The following ANK1 variants were observed in gnomAD, a reference collection of about 807,000 sequenced individuals.
ANK1 encodes the protein ankyrin 1.
A neutral mutation model predicts 210.4 loss-of-function variants in ANK1; 51 were observed. The ratio of observed to expected loss-of-function variants is 0.24; its 90% confidence interval spans 0.19 to 0.31. ANK1 has a LOEUF of 0.31. ANK1 is among the 10% of genes least tolerant of loss of function. The pLI is 1.00. For missense variants in ANK1, 2,051 were observed against 2,504.4 expected, an observed-to-expected ratio of 0.82 and a Z score of 3.86; for synonymous variants, 967 against 1,025.9, an observed-to-expected ratio of 0.94 and a Z score of 1.10.
At chr8:41,729,886 C>T (rs1166210107) in intron 3 of ANK1, among the ~76,000 whole-genome samples, 2 of 152,124 alleles carry the variant, frequency 1.3e-5, no homozygotes, top group Non-Finnish European at 2.9e-5. Flanking sequence ...AGTTGAGGGG[C>T]AGGGGCGGGC....
At position 41,803,005 on chromosome 8, in the gene ANK1, GAA is replaced by G. The variant is rs1563809988; in HGVS notation, c.127-44870_127-44869del. Among the ~76,000 whole-genome samples, 642 of 77,360 alleles carry G rather than the reference GAA, an allele frequency of 8.3e-3. 9 individuals are homozygous for G. The highest frequency in any genetic ancestry group is 0.014 in the Non-Finnish European group (550 of 40,276). 50.8% of individuals were successfully genotyped at this position (77,360 alleles called of 152,430 possible). A position where few individuals can be genotyped will look rare whatever the true frequency, so the allele number is the denominator to read the frequency against. Reference sequence around the variant, plus strand: ...AGAAAGAGAGAAAGAGAGAAAGAAAGAAAGAAAGAAAGAAAGAAAGAAAGAAA... The same window carrying G: ...AGAAAGAGAGAAAGAGAGAAAGAAAGAGAAAGAAAGAAAGAAAGAAAGAAA... On this transcript the variant is annotated intron_variant, in intron 1 of 42. Coordinates refer to the ANK1 transcript ENST00000265709.
At chr8:41,675,372 C>G (rs893926427) in intron 37 of ANK1, among the ~76,000 whole-genome samples, 1 of 152,236 alleles carries the variant, frequency 6.6e-6, no homozygotes, top group Non-Finnish European at 1.5e-5. Context: ...GCTGGGATTA[C>G]AGGGTTGAGT....
intron 37 of ANK1, 96 bp from the exon 38 acceptor site, chr8:41,673,008 G>A (rs1437106572): frequency 3.1e-5 from 41 of 1,305,404 alleles, no homozygotes; most frequent in Admixed American, 2.6e-4. Context: ...ACACACATGC[G>A]GGTGCGGCCA....
intron 1 of ANK1, among the ~76,000 whole-genome samples, chr8:41,803,049 A>AAG (rs1435871938): frequency 1.7e-4 from 14 of 82,826 alleles, no homozygotes; most frequent in African/African-American, 5.0e-4. Context: ...AAGAGAAAGA[A>AAG]AGAAAGAGAG....
At chr8:41,852,011 T>G (rs1005701300) in intron 1 of ANK1, among the ~76,000 whole-genome samples, 2 of 152,150 alleles carry the variant, frequency 1.3e-5, no homozygotes, top group Admixed American at 1.3e-4. Context: ...TGTTCAGACA[T>G]CACCATGCCC....
At chr8:41,896,739 T>C (rs1820585073) in exon 1 of ANK1, 1 of 190,852 alleles carries the variant, frequency 5.2e-6, no homozygotes, top group Admixed American at 6.3e-5. Context: ...CGGGACGGGC[T>C]CTGGGCAGGG....
chr8:41,779,523 G>C (rs576768665), intron 1 of ANK1, among the ~76,000 whole-genome samples: 4 of 152,156 alleles, frequency 2.6e-5, no homozygotes, highest in Admixed American at 6.5e-5. Context: ...CAAACTGCTG[G>C]GATTACAGGC....
upstream of ANK1, among the ~76,000 whole-genome samples, chr8:41,798,449 G>A (rs932261397): frequency 1.4e-4 from 22 of 152,224 alleles, no homozygotes; most frequent in Non-Finnish European, 1.9e-4. Context: ...AGGCGGTCCC[G>A]CAGCTGCCAG....
chr8:41,808,952 G>A (rs1587123029), intron 1 of ANK1, among the ~76,000 whole-genome samples: 1 of 152,116 alleles, frequency 6.6e-6, no homozygotes, highest in Non-Finnish European at 1.5e-5. Flanking sequence ...CTGGCAAAGG[G>A]TATTTGTTGT....
rs942704406 is a variant in ANK1 at position 41,704,363 on chromosome 8, C to T, written c.2196+11G>A. On this transcript the variant is annotated intron_variant, in intron 19 of 42. Transcript: ENST00000289734. This position sits in a 1 kb window ranked among gnomAD's most constrained non-coding sequence, Gnocchi z 4.1. ...GTCAGTGCAGGAGTCGGGGCTGGGG[C>T]ACCCCTGTACCTTGGTCTTGGCATT... is the stretch of plus-strand genomic sequence containing the variant. The T allele has an allele frequency of 6.2e-7, 1 of 1,612,660 alleles. No individual in the cohort carries two copies. The highest frequency in any genetic ancestry group is 1.7e-5 in the Admixed American group (1 of 60,010).
chr8:41,783,250 T>C (rs1414938793), intron 1 of ANK1, among the ~76,000 whole-genome samples: 1 of 152,232 alleles, frequency 6.6e-6, no homozygotes, highest in East Asian at 1.9e-4. Context: ...TCCCGGTCCA[T>C]GCAACTGTCC....
intron 1 of ANK1, among the ~76,000 whole-genome samples, chr8:41,859,387 C>T (rs1265116622): frequency 3.3e-5 from 5 of 152,228 alleles, no homozygotes; most frequent in Non-Finnish European, 7.3e-5. Flanking sequence ...CGCTCTGTCG[C>T]CCAGGCTGGA....
chr8:41,854,576 C>T (rs1181809942), intron 1 of ANK1, among the ~76,000 whole-genome samples: 1 of 152,172 alleles, frequency 6.6e-6, no homozygotes, highest in Non-Finnish European at 1.5e-5. Flanking sequence ...ACAAGGGAGG[C>T]AGTGAGGGCC....
chr8:41,842,566 A>G (rs536529878), intron 1 of ANK1, among the ~76,000 whole-genome samples: 4 of 152,252 alleles, frequency 2.6e-5, no homozygotes, highest in African/African-American at 9.6e-5. Context: ...TGGGCGAACC[A>G]CATATCCCTG....
At chr8:41,660,941 A>G in intron 42 of ANK1, 1 of 277,654 alleles carries the variant, frequency 3.6e-6, no homozygotes, top group South Asian at 3.5e-5. Context: ...TGCCCTGTCC[A>G]CTGCTTTCTA....
chr8:41,744,908 G>C (rs1835718069), intron 2 of ANK1, among the ~76,000 whole-genome samples: 2 of 152,206 alleles, frequency 1.3e-5, no homozygotes, highest in Admixed American at 1.3e-4. Context: ...AGACAGCTGA[G>C]GCTCAAACTA....
chr8:41,724,344 T>C (rs1830130989), intron 7 of ANK1, 112 bp downstream of exon 7: 1 of 910,760 alleles, frequency 1.1e-6, no homozygotes, highest in Non-Finnish European at 1.7e-6. Flanking sequence ...ACAGCAGGGC[T>C]GTTTAACCCA....
At chr8:41,745,634 G>T (rs564257942) in intron 2 of ANK1, among the ~76,000 whole-genome samples, 1 of 152,202 alleles carries the variant, frequency 6.6e-6, no homozygotes, top group Admixed American at 6.5e-5. Context: ...GGCCCGCTGG[G>T]GCTTCTACAC....
chr8:41,818,821 C>T (rs1803734524), intron 1 of ANK1, among the ~76,000 whole-genome samples: 1 of 152,128 alleles, frequency 6.6e-6, no homozygotes, highest in Admixed American at 6.5e-5. Flanking sequence ...TGAATTCTTT[C>T]AAACAAAAGA....
Sources: gnomAD v4.1 joint callset for allele counts (sites outside exome capture counted in the v4.1 genomes callset) on GRCh38, gnomAD v4.1.1 for gene constraint, Gnocchi (gnomAD v3.1) non-coding constraint, MANE v1.5 for transcripts, NCBI Gene and HGNC (gene_info 2026-07-23, HGNC 2026-07-21) for gene names.